RHOT2: variants seen among roughly 807,000 people sequenced by gnomAD.
RHOT2 encodes the protein mitochondrial Rho GTPase 2.
In RHOT2, 90 loss-of-function variants were observed where a neutral mutation model predicts 81.6. That is an observed-to-expected ratio of 1.10 (90% confidence interval 0.93 to 1.31). The LOEUF (loss-of-function observed/expected upper bound fraction) is 1.31. Among genes scored for constraint, RHOT2 ranks in the 40% most tolerant of loss-of-function variants. The probability of loss-of-function intolerance (pLI) is 0.00; values close to 1 mark genes in which losing one functional copy is unlikely to be tolerated. For missense variants in RHOT2, 1,014 were observed against 841.9 expected (o/e 1.20, Z -2.53); for synonymous variants, 512 against 370.9 (o/e 1.38, Z -4.37).
chr16:672,342 C>A lies in RHOT2; in HGVS notation c.1284C>A (p.Gly428=), dbSNP rs770299447. ...AGGTGGTAGGGGCCCGTGGAGTGGG[C>A]AAGTCTGCCTTCCTGCAGGCCTTTC... ...LCKVVGARGV[G]KSAFLQAFLG... is the part of the protein sequence containing the mutation. The change falls in exon 15 of 19, where the codon GGC becomes GGA. Residue 428 remains glycine, a synonymous_variant. Transcript: ENST00000315082. 1 of 1,611,916 alleles carries A rather than the reference C, an allele frequency of 6.2e-7. No individual in the cohort carries two copies. The highest frequency in any genetic ancestry group is 1.1e-5 in the South Asian group (1 of 90,990).
In RHOT2 at chr16:670,987, G is replaced by C; in HGVS notation, c.735G>C (p.Arg245=). The C allele has an allele frequency of 6.3e-7, 1 of 1,581,786 alleles. No individual in the cohort carries two copies. Among genetic ancestry groups the C allele is most frequent in the Non-Finnish European group, 8.6e-7 (1 of 1,164,308 alleles). Residue 245 remains arginine (R), a synonymous_variant, in exon 10 of 19, where the codon CGG becomes CGC. Coordinates refer to ENST00000315082, the MANE Select transcript of RHOT2 (RefSeq NM_138769.3). ...TGGCGGGCGGCGTGCGGGAGGACCG[G>C]CTGACCCTGGATGGTGAGGCCGGGT... ...RNVAGGVRED[R]LTLDGFLFLN...
At chr16:668,307 G>A in intron 1 of RHOT2, 46 bp from the exon 2 acceptor site, 1 of 1,254,860 alleles carries the variant, frequency 8.0e-7, no homozygotes, top group Non-Finnish European at 1.0e-6. Flanking sequence ...GGGGTCGGGG[G>A]GCGCCGTGAC....
In RHOT2 at chr16:670,367, T is replaced by TGC; in HGVS notation, c.438+10_438+11insGC. ...TGAGACCTGCGTGGAGGTGAGTAGGTCCCAGGCAGGGCCGCCTCCTTCATT... is the reference window on the plus strand; with the variant it reads ...TGAGACCTGCGTGGAGGTGAGTAGGTGCCCCAGGCAGGGCCGCCTCCTTCATT... On this transcript the variant is annotated intron_variant, in intron 7 of 18. Coordinates refer to ENST00000315082, the MANE Select transcript of RHOT2 (RefSeq NM_138769.3). 1.9e-6 allele frequency: 3 copies of TGC among 1,612,172 alleles called. No homozygotes were observed. Among genetic ancestry groups the TGC allele is most frequent in the Non-Finnish European group, 2.5e-6 (3 of 1,179,400 alleles).
chr16:668,308 G>C (rs768520684), intron 1 of RHOT2, 45 bp from the exon 2 acceptor site: 2 of 1,245,308 alleles, frequency 1.6e-6, no homozygotes, highest in Non-Finnish European at 2.0e-6. Context: ...GGGTCGGGGG[G>C]CGCCGTGACC....
In RHOT2 at chr16:672,245, T is replaced by C. The variant is rs376518120; in HGVS notation, c.1196-9T>C. The C allele has an allele frequency of 2.6e-4, 418 of 1,611,348 alleles. No homozygotes were observed. The highest frequency in any genetic ancestry group is 3.5e-4 in the Non-Finnish European group (411 of 1,179,078). The stretch of plus-strand genomic sequence containing the variant: ...TGGCAGCTGCCCTAACCCGTGTCTA[T>C]CCTCACAGTCACTCGTGAGAAGAGG... On this transcript the variant is annotated splice_polypyrimidine_tract_variant and intron_variant, in intron 14 of 18. Transcript: ENST00000315082.
chr16:673,427 C>T, intron 18 of RHOT2, 53 bp from the exon 19 acceptor site: 1 of 1,609,214 alleles, frequency 6.2e-7, no homozygotes, highest in Non-Finnish European at 8.5e-7. Flanking sequence ...TGCCCAGCAG[C>T]AAGCTGGGGG....
rs779146902 is a variant in RHOT2, at chr16:668,227, C to T, written c.28C>T (p.Leu10=). Residue 10 remains leucine, a synonymous_variant, in exon 1 of 19, where the codon CTG becomes TTG. Transcript: ENST00000315082. MRRDVRILL[L]GEAQVGKTSL... ...GAGGCGGGACGTGCGCATCCTGTTA[C>T]TGGGCGAGGGTAGGCGCCGGCCCGG... is the stretch of plus-strand genomic sequence containing the variant. The T allele has an allele frequency of 9.8e-6, 6 of 612,690 alleles. No individual in the cohort carries two copies. Among genetic ancestry groups the T allele is most frequent in the African/African-American group, 7.6e-5 (4 of 52,540 alleles). 38.0% of individuals were successfully genotyped at this position (612,690 alleles called of 1,614,324 possible). A position where few individuals can be genotyped will look rare whatever the true frequency, so the allele number is the denominator to read the frequency against.
chr16:670,875 C>G lies in RHOT2; in HGVS notation c.640-17C>G. 1 of 1,582,842 alleles carries G rather than the reference C, an allele frequency of 6.3e-7. No homozygotes were observed. Among genetic ancestry groups the G allele is most frequent in the Non-Finnish European group, 8.6e-7 (1 of 1,160,434 alleles). ...CGGGTGGCTGGCTGACTCCCAACAA[C>G]GTTCTCTCGGAAGCAGAAATCCTGC... On this transcript the variant is annotated splice_polypyrimidine_tract_variant and intron_variant, in intron 9 of 18. Transcript: ENST00000315082.
At chr16:673,328 A>T in intron 18 of RHOT2, 152 bp from the exon 19 acceptor site, 1 of 1,289,008 alleles carries the variant, frequency 7.8e-7, no homozygotes, top group Non-Finnish European at 1.1e-6. Flanking sequence ...GTGCCCAGGC[A>T]TGTCCCTCCA....
chr16:670,372 G>A lies in RHOT2; in HGVS notation c.438+15G>A. ...CCTGCGTGGAGGTGAGTAGGTCCCA[G>A]GCAGGGCCGCCTCCTTCATTCCTTG... On this transcript the variant is annotated intron_variant, in intron 7 of 18. Transcript: ENST00000315082. 6.2e-7 allele frequency: 1 copy of A among 1,611,758 alleles called. No homozygotes were observed.
At chr16:669,062 C>T (rs903388417) in intron 4 of RHOT2, 105 of 406,352 alleles carry the variant, frequency 2.6e-4, no homozygotes, top group African/African-American at 2.1e-3. Flanking sequence ...AGCACGTGTG[C>T]CGGGGACATC....
At chr16:670,614 G>GT in intron 8 of RHOT2, 57 bp downstream of exon 8, 1 of 1,602,512 alleles carries the variant, frequency 6.2e-7, no homozygotes, top group South Asian at 1.1e-5. Context: ...GGGGTGCTGG[G>GT]TGGGGCGGTG....
Position 673,694 on chromosome 16 carries a change from A to G in RHOT2, c.*88A>G. On this transcript the variant is annotated 3_prime_UTR_variant, in exon 19 of 19. Transcript: ENST00000315082. ...GGGCAGCACAGCTGGGGTGCAGGCC[A>G]GGCTGCCACTCCGGGAACGCCTTTG... The G allele has an allele frequency of 2.7e-6, 4 of 1,494,100 alleles. No individual in the cohort carries two copies. The highest frequency in any genetic ancestry group is 3.6e-6 in the Non-Finnish European group (4 of 1,110,718). The allele number at this position is 1,494,100 out of a possible 1,614,324, so 92.6% of individuals were successfully genotyped here. A position where few individuals can be genotyped will look rare whatever the true frequency, so the allele number is the denominator to read the frequency against.
intron 16 of RHOT2, 30 bp from the exon 17 acceptor site, chr16:672,673 G>A (rs750145443): frequency 2.1e-5 from 34 of 1,611,440 alleles, no homozygotes; most frequent in Non-Finnish European, 2.6e-5. Flanking sequence ...GAGCCCCAGG[G>A]ACCCTTCCTA....
chr16:670,347 C>T lies in RHOT2; in HGVS notation c.428C>T (p.Thr143Ile), dbSNP rs773627306. The change falls in exon 7 of 19, where the codon ACC becomes ATC. Residue 143 changes from threonine (T) to isoleucine (I), a missense_variant. Physicochemically the swap from Thr to Ile is moderately conservative, Grantham distance 89. Coordinates refer to ENST00000315082, the MANE Select transcript of RHOT2 (RefSeq NM_138769.3). ...PIMSQFPEIE[T>I]CVECSAKNLR... ...ATGAGCCAGTTTCCCGAGATTGAGACCTGCGTGGAGGTGAGTAGGTCCCAG... is the reference window on the plus strand; with the variant it reads ...ATGAGCCAGTTTCCCGAGATTGAGATCTGCGTGGAGGTGAGTAGGTCCCAG... 1 of 1,612,864 alleles carries T rather than the reference C, an allele frequency of 6.2e-7. No homozygotes were observed. The highest frequency in any genetic ancestry group is 8.5e-7 in the Non-Finnish European group (1 of 1,179,942).
Position 672,540 on chromosome 16 carries a change from G to T in RHOT2, c.1378G>T (p.Val460Phe), listed in dbSNP as rs2039145144. ...PPGYAIDTVQ[V>F]NGQEKYLILC... is the part of the protein sequence containing the mutation. ...CGGCTACGCCATCGACACGGTGCAGGTCAATGGACAGGAGAAGTACTTGAT... is the reference window on the plus strand; with the variant it reads ...CGGCTACGCCATCGACACGGTGCAGTTCAATGGACAGGAGAAGTACTTGAT... Residue 460 changes from valine (V) to phenylalanine (F), a missense_variant, in exon 16 of 19, where the codon GTC becomes TTC. Coordinates refer to ENST00000315082, the MANE Select transcript of RHOT2 (RefSeq NM_138769.3). 1.2e-6 allele frequency: 2 copies of T among 1,612,644 alleles called. No individual in the cohort carries two copies. The highest frequency in any genetic ancestry group is 1.7e-6 in the Non-Finnish European group (2 of 1,179,910).
At position 668,335 on chromosome 16, in the gene RHOT2, C is replaced by G; in HGVS notation, c.38-18C>G. ...GCCGTGACCTTGGCCCTCGCGCTGA[C>G]CGCCTCGCCCCGCGCAGCCCAGGTG... On this transcript the variant is annotated intron_variant, in intron 1 of 18. Transcript: ENST00000315082. 4 of 1,383,012 alleles carry G rather than the reference C, an allele frequency of 2.9e-6. No individual in the cohort carries two copies. Among genetic ancestry groups the G allele is most frequent in the East Asian group, 2.9e-5 (1 of 34,088 alleles). The allele number at this position is 1,383,012 out of a possible 1,614,324, so 85.7% of individuals were successfully genotyped here.
At chr16:668,834 T>C in intron 4 of RHOT2, 135 bp downstream of exon 4, 1 of 966,310 alleles carries the variant, frequency 1.0e-6, no homozygotes, top group African/African-American at 1.7e-5. Flanking sequence ...CACTGAGGGT[T>C]GTCGGGGCCC....
At position 671,739 on chromosome 16, in the gene RHOT2, T is replaced by C. The variant is rs1381377294; in HGVS notation, c.912T>C (p.Leu304=). The change falls in exon 12 of 19, where the codon CTT becomes CTC. Residue 304 remains leucine (L), a synonymous_variant. Transcript: ENST00000315082. ...PPGCSTELNH[L]GYQFVQRVFE... ...GCTGCAGCACGGAGCTCAACCACCTTGGCTACCAGTTTGTGCAGAGAGTGT... is the reference window on the plus strand; with the variant it reads ...GCTGCAGCACGGAGCTCAACCACCTCGGCTACCAGTTTGTGCAGAGAGTGT... 1 of 1,612,504 alleles carries C rather than the reference T, an allele frequency of 6.2e-7. No homozygotes were observed. Among genetic ancestry groups the C allele is most frequent in the East Asian group, 2.2e-5 (1 of 44,874 alleles).
Sources: gnomAD v4.1 joint callset for allele counts on GRCh38, gnomAD v4.1.1 for gene constraint, MANE v1.5 for transcripts, NCBI Gene and HGNC (gene_info 2026-07-23, HGNC 2026-07-21) for gene names.